PHACTR1: variants seen among roughly 807,000 people sequenced by gnomAD.
The protein encoded by PHACTR1 is phosphatase and actin regulator 1.
Under a neutral mutation model 69.2 loss-of-function variants are expected in PHACTR1, and 16 were observed. The observed-to-expected ratio is 0.23, with a 90% CI of 0.16 to 0.35. The LOEUF is 0.35. Ranked by LOEUF, PHACTR1 falls within the 10% of genes least tolerant of loss-of-function variation. PHACTR1 has a pLI of 1.00. For synonymous variants in PHACTR1, 312 were observed against 284.5 expected (o/e 1.10, Z -0.97); for missense variants, 510 against 734.7 (o/e 0.69, Z 3.54).
intron 4 of PHACTR1, among the ~76,000 whole-genome samples, chr6:13,022,638 G>A (rs1323363665): frequency 6.7e-6 from 1 of 150,154 alleles, no homozygotes. Flanking sequence ...AGAGACTCTC[G>A]AAGCTTAAGA....
At chr6:12,885,988 G>T (rs564716751) in intron 4 of PHACTR1, among the ~76,000 whole-genome samples, 16 of 152,126 alleles carry the variant, frequency 1.1e-4, no homozygotes. Flanking sequence ...CCAGCTACTC[G>T]GGAGGCTGAG....
At chr6:12,795,355 T>G (rs76128421) in intron 4 of PHACTR1, among the ~76,000 whole-genome samples, 2,086 of 152,326 alleles carry the variant, frequency 0.014, 47 homozygotes, top group South Asian at 0.064. Flanking sequence ...CTGTGTCAAT[T>G]AAGGATGTGA....
intron 4 of PHACTR1, among the ~76,000 whole-genome samples, chr6:12,942,965 C>T (rs1192689550): frequency 6.6e-6 from 1 of 152,196 alleles, no homozygotes; most frequent in African/African-American, 2.4e-5. Flanking sequence ...ATTCATTCCT[C>T]AATAGGTTAA....
At chr6:13,175,959 G>C (rs530376936) in intron 6 of PHACTR1, among the ~76,000 whole-genome samples, 1 of 152,172 alleles carries the variant, frequency 6.6e-6, no homozygotes, top group Non-Finnish European at 1.5e-5. Context: ...CGGGTCCAGG[G>C]CAGGAGGGAA....
intron 4 of PHACTR1, among the ~76,000 whole-genome samples, chr6:12,929,603 A>T (rs1481365040): frequency 6.6e-6 from 1 of 152,220 alleles, no homozygotes; most frequent in Non-Finnish European, 1.5e-5. Flanking sequence ...TGAAACAGAC[A>T]AATGCAAAGA....
chr6:13,226,085 T>G (rs958373058), intron 8 of PHACTR1, among the ~76,000 whole-genome samples: 3 of 152,242 alleles, frequency 2.0e-5, no homozygotes, highest in Non-Finnish European at 4.4e-5. Context: ...ACTAATGTGA[T>G]AAACCACTAA....
chr6:13,066,470 T>G (rs893740509), intron 5 of PHACTR1, among the ~76,000 whole-genome samples: 1 of 152,194 alleles, frequency 6.6e-6, no homozygotes, highest in Non-Finnish European at 1.5e-5. Context: ...TGTTTTCCAG[T>G]TTTTCATAGT....
chr6:12,756,951 A>G (rs1003054573), intron 4 of PHACTR1, among the ~76,000 whole-genome samples: 2 of 152,196 alleles, frequency 1.3e-5, no homozygotes, highest in Non-Finnish European at 2.9e-5. Context: ...GGCACTTGAG[A>G]TACATCAGTG....
At chr6:13,211,419 G>A (rs190192592) in intron 8 of PHACTR1, among the ~76,000 whole-genome samples, 1 of 152,180 alleles carries the variant, frequency 6.6e-6, no homozygotes, top group Non-Finnish European at 1.5e-5. Flanking sequence ...CAGATGTAAA[G>A]TCCTAATCAG....
chr6:13,099,144 T>A (rs532001088), intron 5 of PHACTR1, among the ~76,000 whole-genome samples: 4 of 152,300 alleles, frequency 2.6e-5, no homozygotes, highest in Admixed American at 2.6e-4. Context: ...CTGGGTAAAG[T>A]CTTAGTTATC....
chr6:13,158,880 A>C lies in PHACTR1; in HGVS notation c.416-1324A>C, dbSNP rs529318481. Among the ~76,000 whole-genome samples the C allele has an allele frequency of 2.0e-5, 3 of 152,322 alleles. No individual in the cohort carries two copies. The East Asian group carries it at 5.8e-4, about 29-fold the overall frequency. On this transcript the variant is annotated intron_variant, in intron 5 of 14. Transcript: ENST00000332995. ...GTTGAGGGCAGTGTGTGTTTAATTA[A>C]TCTGTATCTGAATTTGTCTGCATAA...
At chr6:12,807,895 TGTC>T (rs1431807573) in intron 4 of PHACTR1, among the ~76,000 whole-genome samples, 2 of 152,224 alleles carry the variant, frequency 1.3e-5, no homozygotes, top group African/African-American at 4.8e-5. Flanking sequence ...TCTCGTAAAA[TGTC>T]GTTGCCCAAT....
At chr6:13,204,236 C>T (rs556092307) in intron 7 of PHACTR1, among the ~76,000 whole-genome samples, 1 of 152,064 alleles carries the variant, frequency 6.6e-6, no homozygotes, top group East Asian at 1.9e-4. Context: ...TGGGGAGCTA[C>T]GTAATCAGAT....
intron 7 of PHACTR1, among the ~76,000 whole-genome samples, chr6:13,199,408 A>C (rs1284150205): frequency 2.0e-5 from 3 of 146,960 alleles, no homozygotes; most frequent in Non-Finnish European, 1.5e-5. Context: ...AAAAAAAAAA[A>C]AAAACATTGG....
chr6:13,150,875 T>G (rs2113447313), intron 5 of PHACTR1, among the ~76,000 whole-genome samples: 1 of 152,360 alleles, frequency 6.6e-6, no homozygotes, highest in East Asian at 1.9e-4. Flanking sequence ...TTGTTTCATT[T>G]GGAATCCTTC....
At chr6:12,730,760 C>T (rs899384279) in intron 3 of PHACTR1, among the ~76,000 whole-genome samples, 9 of 152,108 alleles carry the variant, frequency 5.9e-5, no homozygotes, top group Non-Finnish European at 7.4e-5. Flanking sequence ...TCCCACCCTC[C>T]GGCCTCCAAT....
At chr6:13,146,089 G>C (rs1414601883) in intron 5 of PHACTR1, among the ~76,000 whole-genome samples, 2 of 152,176 alleles carry the variant, frequency 1.3e-5, no homozygotes, top group Non-Finnish European at 2.9e-5. Flanking sequence ...CCCATGGCTT[G>C]GGTTCAAGTG....
intron 5 of PHACTR1, among the ~76,000 whole-genome samples, chr6:13,097,347 C>G (rs1814429187): frequency 6.6e-6 from 1 of 152,166 alleles, no homozygotes; most frequent in Non-Finnish European, 1.5e-5. Flanking sequence ...CTCCTGCCCC[C>G]ACCCCTCTTC....
At chr6:13,093,919 T>G (rs1813703404) in intron 5 of PHACTR1, among the ~76,000 whole-genome samples, 1 of 152,174 alleles carries the variant, frequency 6.6e-6, no homozygotes, top group Admixed American at 6.6e-5. Flanking sequence ...TCACCCGGGC[T>G]GGGGTGCAGT....
Sources: allele counts gnomAD v4.1 joint callset (sites outside exome capture counted in the v4.1 genomes callset), GRCh38; gene constraint gnomAD v4.1.1; transcripts MANE v1.5; gene names NCBI Gene and HGNC (gene_info 2026-07-23, HGNC 2026-07-21).